N4BP1: variants seen among roughly 807,000 people sequenced by gnomAD.
N4BP1 encodes the protein NEDD4-binding protein 1.
A neutral mutation model predicts 70.9 loss-of-function variants in N4BP1; 21 were observed. The observed-to-expected ratio is 0.30, with a 90% confidence interval of 0.21 to 0.43. The LOEUF (loss-of-function observed/expected upper bound fraction) is 0.43, where lower values mean the gene tolerates loss of function less well. Among genes scored for constraint, N4BP1 ranks in the 20% least tolerant of loss-of-function variants. N4BP1 has a pLI of 1.00. For missense variants in N4BP1, 936 were observed against 1,069.4 expected, an observed-to-expected ratio of 0.88 and a Z score of 1.74; for synonymous variants, 387 against 394.6, an observed-to-expected ratio of 0.98 and a Z score of 0.23.
intron 1 of N4BP1, among the ~76,000 whole-genome samples, chr16:48,597,854 T>A (rs781070245): frequency 1.3e-4 from 20 of 152,194 alleles, no homozygotes; most frequent in Non-Finnish European, 2.4e-4. Flanking sequence ...AATAAACCTA[T>A]GACGGCTGCA....
At chr16:48,573,656 T>C (rs1597101959) in intron 1 of N4BP1, among the ~76,000 whole-genome samples, 1 of 151,896 alleles carries the variant, frequency 6.6e-6, no homozygotes, top group African/African-American at 2.4e-5. Context: ...ACAATACAGA[T>C]AAGGGGTACC....
intron 1 of N4BP1, among the ~76,000 whole-genome samples, chr16:48,574,122 T>C (rs1416468561): frequency 1.3e-5 from 2 of 152,204 alleles, no homozygotes; most frequent in Non-Finnish European, 2.9e-5. Flanking sequence ...TAGTTGCCTC[T>C]AGGAAGTTAG....
intron 1 of N4BP1, among the ~76,000 whole-genome samples, chr16:48,591,800 T>C (rs1428138609): frequency 6.6e-6 from 1 of 151,974 alleles, no homozygotes; most frequent in Non-Finnish European, 1.5e-5. Flanking sequence ...AAAACCTGTT[T>C]TCCTCATGGA....
intron 5 of N4BP1, 175 bp from the exon 6 acceptor site, chr16:48,546,429 T>C: frequency 2.4e-6 from 1 of 411,280 alleles, no homozygotes; most frequent in Non-Finnish European, 4.3e-6. Flanking sequence ...CCTTTTAATT[T>C]CTGTTTTGGA....
intron 1 of N4BP1, among the ~76,000 whole-genome samples, chr16:48,609,169 C>A (rs1964635413): frequency 6.6e-6 from 1 of 152,154 alleles, no homozygotes; most frequent in Non-Finnish European, 1.5e-5. Context: ...GAACTGAGAC[C>A]GCGCCACACT....
rs750355255 is a variant in N4BP1, at chr16:48,594,001, C to CAAAAA, written c.198+15769_198+15773dup. Among the ~76,000 whole-genome samples, 154 of 42,472 alleles carry CAAAAA rather than the reference C, an allele frequency of 3.6e-3. 16 individuals are homozygous for CAAAAA. The highest frequency in any genetic ancestry group is 0.011 in the African/African-American group (126 of 11,320). 27.9% of individuals were successfully genotyped at this position (42,472 alleles called of 152,430 possible). ...TGGGTGCCAGAGCAAGACTCCGTCT[C>CAAAAA]AAAAAAAAAAAAAAAAACAAAAAAA... On this transcript the variant is annotated intron_variant, in intron 1 of 6. Transcript: ENST00000262384.
chr16:48,607,033 T>C (rs1327708414), intron 1 of N4BP1, among the ~76,000 whole-genome samples: 2 of 152,146 alleles, frequency 1.3e-5, no homozygotes, highest in African/African-American at 4.8e-5. Context: ...AAAAAAGCCC[T>C]GATTGTGGCA....
chr16:48,559,850 CTAAATG>C (rs1224047570), intron 2 of N4BP1: 5 of 152,226 alleles, frequency 3.3e-5, no homozygotes, highest in Non-Finnish European at 4.4e-5. Context: ...ATCAACTCTG[CTAAATG>C]TAATTTGCCC....
At chr16:48,582,566 T>C (rs555493719) in intron 1 of N4BP1, among the ~76,000 whole-genome samples, 101 of 152,356 alleles carry the variant, frequency 6.6e-4, no homozygotes, top group African/African-American at 2.3e-3. Context: ...ATGAAAGTTC[T>C]CCACTTAATA....
At chr16:48,597,011 C>T (rs1567445285) in intron 1 of N4BP1, among the ~76,000 whole-genome samples, 1 of 151,650 alleles carries the variant, frequency 6.6e-6, no homozygotes, top group Non-Finnish European at 1.5e-5. Context: ...GAACAGAAGA[C>T]AACAAGAACA....
intron 1 of N4BP1, among the ~76,000 whole-genome samples, chr16:48,602,846 G>A (rs1964524199): frequency 6.6e-6 from 1 of 151,548 alleles, no homozygotes; most frequent in Non-Finnish European, 1.5e-5. Flanking sequence ...AGCCCAGCAT[G>A]GTGGCACATG....
At chr16:48,602,189 A>T (rs1003477891) in intron 1 of N4BP1, among the ~76,000 whole-genome samples, 1 of 152,186 alleles carries the variant, frequency 6.6e-6, no homozygotes, top group African/African-American at 2.4e-5. Context: ...ATGCCACTGC[A>T]CTCCAGCCTG....
At position 48,539,890 on chromosome 16, in the gene N4BP1, C is replaced by G. The variant is rs1405153741; in HGVS notation, c.*3014G>C. The G allele has an allele frequency of 6.6e-6, 1 of 152,342 alleles. No homozygotes were observed. The highest frequency in any genetic ancestry group is 6.5e-5 in the Admixed American group (1 of 15,292). 9.4% of individuals were successfully genotyped at this position (152,342 alleles called of 1,614,324 possible). A position where few individuals can be genotyped will look rare whatever the true frequency, so the allele number is the denominator to read the frequency against. ...CATGTGCACCAAGACAGAGCCCCAG[C>G]GCGGCCTTGCAGCCAGGCACCGGGC... On this transcript the variant is annotated 3_prime_UTR_variant, in exon 7 of 7. Transcript: ENST00000262384.
intron 1 of N4BP1, among the ~76,000 whole-genome samples, chr16:48,597,452 G>A (rs1218955362): frequency 2.6e-5 from 4 of 152,106 alleles, no homozygotes; most frequent in Non-Finnish European, 4.4e-5. Flanking sequence ...AGTAGACACC[G>A]AAAATTTGCA....
At chr16:48,582,910 C>T (rs927720151) in intron 1 of N4BP1, among the ~76,000 whole-genome samples, 10 of 152,150 alleles carry the variant, frequency 6.6e-5, no homozygotes, top group Admixed American at 5.2e-4. Context: ...ATAGGGAGAC[C>T]TCATCTCTAT....
intron 1 of N4BP1, among the ~76,000 whole-genome samples, chr16:48,608,071 G>A (rs1444900745): frequency 6.6e-6 from 1 of 152,076 alleles, no homozygotes; most frequent in Non-Finnish European, 1.5e-5. Context: ...CTCCAGTGTG[G>A]GTGACAGAGT....
chr16:48,604,445 C>CA (rs1964546311), intron 1 of N4BP1, among the ~76,000 whole-genome samples: 1 of 151,964 alleles, frequency 6.6e-6, no homozygotes, highest in South Asian at 2.1e-4. Context: ...CCCAGCTACT[C>CA]AGGAGGCCAA....
chr16:48,546,991 G>A (rs780460316), intron 5 of N4BP1, among the ~76,000 whole-genome samples: 7 of 152,188 alleles, frequency 4.6e-5, no homozygotes, highest in African/African-American at 7.2e-5. Context: ...TGCCCAGAAG[G>A]TCAAAGACCA....
rs759263199 is a variant in N4BP1 at position 48,561,725 on chromosome 16, C to G, written c.918G>C (p.Glu306Asp). 6.2e-7 allele frequency: 1 copy of G among 1,612,104 alleles called. No homozygotes were observed. The highest frequency in any genetic ancestry group is 1.3e-5 in the African/African-American group (1 of 74,938). ...TCTTAGCATCGTGTAAAATCTCCCCCTCCTGAACATTTTCCAAAGAAAACT... is the reference window on the plus strand; with the variant it reads ...TCTTAGCATCGTGTAAAATCTCCCCGTCCTGAACATTTTCCAAAGAAAACT... The part of the protein sequence containing the change: ...KKQFSLENVQ[E>D]GEILHDAKTL... The change falls in exon 2 of 7, where the codon GAG becomes GAC. Residue 306 changes from glutamate to aspartate, a missense_variant. Glu to Asp is a conservative substitution (Grantham distance 45, BLOSUM62 2). Around this residue, in one of 4 missense-constraint regions of N4BP1, gnomAD observed 515 missense variants for 491.7 expected, o/e 1.05. Transcript: ENST00000262384.
Sources: gnomAD v4.1 joint callset for allele counts (sites outside exome capture counted in the v4.1 genomes callset) on GRCh38, gnomAD v4.1.1 for gene constraint, gnomAD v4.1.1 regional missense constraint, MANE v1.5 for transcripts, NCBI Gene and HGNC (gene_info 2026-07-23, HGNC 2026-07-21) for gene names.